Variants in SEMA5B observed in about 807,000 individuals in gnomAD.
SEMA5B encodes the protein semaphorin 5B, also known as semaphorin-5B.
SEMA5B carries 66 observed loss-of-function variants against 135.0 expected under a neutral mutation model. That is an observed-to-expected ratio of 0.49 (90% CI 0.40 to 0.60). The LOEUF is 0.60. Among genes scored for constraint, SEMA5B ranks in the 20% least tolerant of loss-of-function variants. The pLI is 0.00. For synonymous variants in SEMA5B, 690 were observed against 639.5 expected (o/e 1.08, Z -1.19); for missense variants, 1,501 against 1,566.3 (o/e 0.96, Z 0.70).
intron 1 of SEMA5B, among the ~76,000 whole-genome samples, chr3:122,985,853 A>G (rs1941681233): frequency 6.6e-6 from 1 of 152,240 alleles, no homozygotes; most frequent in Admixed American, 6.5e-5. Flanking sequence ...TTGGAAAAAC[A>G]TAGTCCAAAT....
chr3:122,927,897 T>A lies in SEMA5B; in HGVS notation c.743A>T (p.Tyr248Phe). 1 of 1,596,212 alleles carries A rather than the reference T, an allele frequency of 6.3e-7. No individual in the cohort carries two copies. The highest frequency in any genetic ancestry group is 8.5e-7 in the Non-Finnish European group (1 of 1,170,710). The stretch of plus-strand genomic sequence containing the variant: ...TGAGAAGTCGATGACCGTGGCTGCA[T>A]AGAGCTCCCCCTGGGAGGAGATGAC... ...TAVISSQGEL[Y>F]AATVIDFSGR... Residue 248 changes from tyrosine (Y) to phenylalanine (F), a missense_variant, in exon 8 of 23, where the codon TAT (tyrosine) becomes TTT (phenylalanine). Tyr to Phe is a conservative substitution (Grantham distance 22, BLOSUM62 3). Transcript: ENST00000357599.
intron 1 of SEMA5B, among the ~76,000 whole-genome samples, chr3:122,970,590 G>T (rs1227069974): frequency 6.6e-6 from 1 of 152,204 alleles, no homozygotes; most frequent in Non-Finnish European, 1.5e-5. Flanking sequence ...AGCTCAAGAG[G>T]TAATCATGTC....
At chr3:122,990,732 T>G (rs1941849501) in intron 1 of SEMA5B, among the ~76,000 whole-genome samples, 1 of 152,190 alleles carries the variant, frequency 6.6e-6, no homozygotes, top group Admixed American at 6.5e-5. Flanking sequence ...CCACAGGGGT[T>G]CTGATAACAA....
At chr3:122,927,344 G>A (rs111756168) in intron 8 of SEMA5B, among the ~76,000 whole-genome samples, 7 of 152,096 alleles carry the variant, frequency 4.6e-5, no homozygotes, top group Admixed American at 1.3e-4. Context: ...GCATCACCAC[G>A]CCTGGCTGAT....
intron 1 of SEMA5B, among the ~76,000 whole-genome samples, chr3:123,007,092 C>T (rs541351595): frequency 1.8e-4 from 27 of 152,318 alleles, no homozygotes; most frequent in Non-Finnish European, 2.5e-4. Context: ...GCCCTCTGAG[C>T]ATGGGGCAAA....
At chr3:122,980,885 G>T (rs571323979) in intron 1 of SEMA5B, among the ~76,000 whole-genome samples, 3 of 152,304 alleles carry the variant, frequency 2.0e-5, no homozygotes, top group Admixed American at 6.5e-5. Context: ...GACTACTGTA[G>T]GTTCTTCATG....
intron 1 of SEMA5B, among the ~76,000 whole-genome samples, chr3:123,005,179 C>A (rs1018919382): frequency 6.6e-6 from 1 of 152,162 alleles, no homozygotes; most frequent in Non-Finnish European, 1.5e-5. Context: ...CACCCTCTTC[C>A]TGCCCACAGC....
At chr3:122,977,301 C>T (rs1206593513) in intron 1 of SEMA5B, among the ~76,000 whole-genome samples, 1 of 152,198 alleles carries the variant, frequency 6.6e-6, no homozygotes, top group African/African-American at 2.4e-5. Context: ...GGAAGGTGTC[C>T]AGAGCTGTTG....
chr3:122,976,891 A>T (rs1167778417), intron 1 of SEMA5B, among the ~76,000 whole-genome samples: 2 of 152,144 alleles, frequency 1.3e-5, no homozygotes, highest in Non-Finnish European at 2.9e-5. Flanking sequence ...CTCTCCTAAA[A>T]ATACAAAAAT....
At chr3:122,949,615 A>G (rs534232482) in intron 2 of SEMA5B, among the ~76,000 whole-genome samples, 95 of 152,374 alleles carry the variant, frequency 6.2e-4, no homozygotes, top group Non-Finnish European at 1.2e-3. Flanking sequence ...CAAATTAGCC[A>G]CATTATAAGA....
intron 1 of SEMA5B, among the ~76,000 whole-genome samples, chr3:123,024,638 G>A (rs972529085): frequency 1.3e-5 from 2 of 152,114 alleles, no homozygotes; most frequent in Non-Finnish European, 2.9e-5. Context: ...GAATCTTAAT[G>A]GGCCCTGAGA....
intron 1 of SEMA5B, among the ~76,000 whole-genome samples, chr3:123,007,277 C>A (rs113475327): frequency 1.3e-5 from 2 of 152,080 alleles, no homozygotes; most frequent in African/African-American, 4.8e-5. Flanking sequence ...CCTGGGACTA[C>A]CTCTAACATA....
chr3:122,977,129 C>T (rs1379888893), intron 1 of SEMA5B, among the ~76,000 whole-genome samples: 1 of 152,200 alleles, frequency 6.6e-6, no homozygotes, highest in Non-Finnish European at 1.5e-5. Flanking sequence ...CTGACAGTCT[C>T]TTAGGCTCAG....
In SEMA5B at chr3:122,997,202, G is replaced by A. The variant is rs1037544687; in HGVS notation, c.-39+30262C>T. Among the ~76,000 whole-genome samples the A allele has an allele frequency of 7.2e-5, 11 of 152,282 alleles. No homozygotes were observed. In the East Asian group the frequency reaches 1.2e-3, roughly 16 times the overall value. The stretch of plus-strand genomic sequence containing the variant: ...TTAGGTGTGGAAGCCGAGGCTCAGC[G>A]TGCCTGACCGGACCCAGGTCACAGA... On this transcript the variant is annotated intron_variant, in intron 1 of 22. Coordinates refer to ENST00000357599, the MANE Select transcript of SEMA5B (RefSeq NM_001031702.4).
chr3:122,970,772 A>G (rs935846243), intron 1 of SEMA5B, among the ~76,000 whole-genome samples: 1 of 152,226 alleles, frequency 6.6e-6, no homozygotes, highest in African/African-American at 2.4e-5. Context: ...CCAAGGTCGC[A>G]CAGCTAGGAA....
At chr3:122,978,608 G>A (rs1022236777) in intron 1 of SEMA5B, among the ~76,000 whole-genome samples, 9 of 142,612 alleles carry the variant, frequency 6.3e-5, no homozygotes, top group African/African-American at 2.1e-4. Context: ...GGTGGGTTAG[G>A]TCCATCTCCC....
Position 122,961,136 on chromosome 3 carries a change from T to G in SEMA5B, c.124+4A>C, listed in dbSNP as rs1260874415. On this transcript the variant is annotated splice_donor_region_variant and intron_variant, in intron 2 of 22. Coordinates refer to ENST00000357599, the MANE Select transcript of SEMA5B (RefSeq NM_001031702.4). Reference sequence around the variant, plus strand: ...GCCCCCCACACTCCCCTGGGCACACTTACCCCTGACCAGTGAGAGAAGCCA... The same window carrying G: ...GCCCCCCACACTCCCCTGGGCACACGTACCCCTGACCAGTGAGAGAAGCCA... The G allele has an allele frequency of 1.0e-5, 16 of 1,607,868 alleles. No homozygotes were observed. Among genetic ancestry groups the G allele is most frequent in the Non-Finnish European group, 1.4e-5 (16 of 1,176,424 alleles).
chr3:123,000,122 C>T (rs1450553675), intron 1 of SEMA5B, among the ~76,000 whole-genome samples: 2 of 152,172 alleles, frequency 1.3e-5, no homozygotes, highest in African/African-American at 2.4e-5. Flanking sequence ...GCAGGAGACT[C>T]GCTTGGACCC....
intron 2 of SEMA5B, among the ~76,000 whole-genome samples, chr3:122,957,982 A>G (rs1459099583): frequency 6.6e-6 from 1 of 152,204 alleles, no homozygotes; most frequent in Non-Finnish European, 1.5e-5. Context: ...TATTAAGCTG[A>G]CTTCCTGCTG....
Sources: allele counts gnomAD v4.1 joint callset (sites outside exome capture counted in the v4.1 genomes callset), GRCh38; gene constraint gnomAD v4.1.1; transcripts MANE v1.5; gene names NCBI Gene and HGNC (gene_info 2026-07-23, HGNC 2026-07-21).